Variants in GALNT3 observed in about 807,000 individuals in gnomAD.
GALNT3 encodes the protein GalNAc transferase 3.
In GALNT3, 51 loss-of-function variants were observed where a neutral mutation model predicts 69.8. That is an observed-to-expected ratio of 0.73 (90% CI 0.58 to 0.92). The LOEUF (loss-of-function observed/expected upper bound fraction) is 0.92. GALNT3 is among the 40% of genes least tolerant of loss of function. The pLI is 0.00. For missense variants in GALNT3, 711 were observed against 760.0 expected, an observed-to-expected ratio of 0.94 and a Z score of 0.76; for synonymous variants, 265 against 248.5, an observed-to-expected ratio of 1.07 and a Z score of -0.63.
chr2:165,788,372 T>C (rs1683269972), intron 1 of GALNT3, among the ~76,000 whole-genome samples: 1 of 146,818 alleles, frequency 6.8e-6, no homozygotes, highest in Non-Finnish European at 1.5e-5. Flanking sequence ...CCGATGCCTC[T>C]CCCCTTTCTG....
At chr2:165,775,529 A>C (rs149855028) in intron 1 of GALNT3, among the ~76,000 whole-genome samples, 1 of 152,182 alleles carries the variant, frequency 6.6e-6, no homozygotes, top group Non-Finnish European at 1.5e-5. Context: ...AGATTCCAAC[A>C]TTGATGGGAT....
chr2:165,779,907 G>A (rs1337991731), intron 1 of GALNT3, among the ~76,000 whole-genome samples: 1 of 152,152 alleles, frequency 6.6e-6, no homozygotes, highest in African/African-American at 2.4e-5. Context: ...CACAGATGTT[G>A]GTGATGTCAA....
chr2:165,756,295 CTAGT>C (rs2105404355), intron 7 of GALNT3, among the ~76,000 whole-genome samples: 1 of 152,270 alleles, frequency 6.6e-6, no homozygotes, highest in East Asian at 1.9e-4. Flanking sequence ...CTTAAACTAT[CTAGT>C]TAATTTACCT....
Position 165,752,916 on chromosome 2 carries a change from A to G in GALNT3, c.1626+1711T>C, listed in dbSNP as rs568424634. ...CATATAGATTTATGCACATACACAT[A>G]TATGTACAGATATATATGTATATAG... On this transcript the variant is annotated intron_variant, in intron 9 of 10. Transcript: ENST00000392701. Among the ~76,000 whole-genome samples the G allele has an allele frequency of 5.3e-5, 8 of 152,316 alleles. No homozygotes were observed. In the East Asian group the frequency reaches 1.3e-3, roughly 26 times the overall value.
intron 1 of GALNT3, among the ~76,000 whole-genome samples, chr2:165,775,148 C>G (rs538403125): frequency 6.6e-6 from 1 of 151,986 alleles, no homozygotes; most frequent in Non-Finnish European, 1.5e-5. Flanking sequence ...ATTTTTCTAA[C>G]TCTGTTCAAA....
intron 1 of GALNT3, among the ~76,000 whole-genome samples, chr2:165,774,476 T>C (rs1414663074): frequency 2.6e-5 from 4 of 152,118 alleles, no homozygotes; most frequent in South Asian, 2.1e-4. Flanking sequence ...AAAAGAAGGA[T>C]AGAATTAATG....
At chr2:165,775,494 T>C (rs1333565086) in intron 1 of GALNT3, among the ~76,000 whole-genome samples, 1 of 152,170 alleles carries the variant, frequency 6.6e-6, no homozygotes, top group African/African-American at 2.4e-5. Flanking sequence ...GGATTAATCT[T>C]CTCTTATCAA....
chr2:165,781,272 T>C (rs1683101567), intron 1 of GALNT3, among the ~76,000 whole-genome samples: 1 of 152,136 alleles, frequency 6.6e-6, no homozygotes, highest in African/African-American at 2.4e-5. Flanking sequence ...TGAGGTAGCA[T>C]ATTCAAATGT....
intron 2 of GALNT3, among the ~76,000 whole-genome samples, chr2:165,769,477 G>A (rs1688712110): frequency 6.6e-6 from 1 of 150,678 alleles, no homozygotes; most frequent in Non-Finnish European, 1.5e-5. Context: ...GGGTGGGCCA[G>A]GTGCAATGGC....
chr2:165,759,924 T>A (rs1688514122), intron 4 of GALNT3, among the ~76,000 whole-genome samples: 1 of 152,128 alleles, frequency 6.6e-6, no homozygotes, highest in African/African-American at 2.4e-5. Context: ...TTAATTACAG[T>A]CACCACGTTG....
In GALNT3 at chr2:165,770,502, G is replaced by C. The variant is rs1310325052; in HGVS notation, c.199C>G (p.Leu67Val). Reference protein sequence around the residue: ...KNKNKMLDLMLEAVNNIKDAM... With the variant: ...KNKNKMLDLMVEAVNNIKDAM... Reference sequence around the variant, plus strand: ...TCCTTAATATTGTTTACAGCTTCTAGCATTAAATCCAACATCTTGTTTTTG... The same window carrying C: ...TCCTTAATATTGTTTACAGCTTCTACCATTAAATCCAACATCTTGTTTTTG... The change falls in exon 2 of 11, where the codon CTA becomes GTA. Residue 67 changes from leucine to valine, a missense_variant. By Grantham distance (32) the Leu-to-Val change is conservative. Coordinates refer to ENST00000392701, the MANE Select transcript of GALNT3 (RefSeq NM_004482.4). The C allele has an allele frequency of 6.2e-7, 1 of 1,614,094 alleles. No homozygotes were observed. Among genetic ancestry groups the C allele is most frequent in the East Asian group, 2.2e-5 (1 of 44,880 alleles).
At chr2:165,768,834 G>A (rs931410065) in intron 2 of GALNT3, among the ~76,000 whole-genome samples, 1 of 136,506 alleles carries the variant, frequency 7.3e-6, no homozygotes, top group Non-Finnish European at 1.5e-5. Flanking sequence ...CGTTCTTGTC[G>A]CCCAGGCTGG....
rs75077526 is a variant in GALNT3, at chr2:165,768,630, T to C, written c.515+1556A>G. Among the ~76,000 whole-genome samples, 192 of 152,300 alleles carry C rather than the reference T, an allele frequency of 1.3e-3. No individual in the cohort carries two copies. The East Asian group carries it at 0.025, about 19-fold the overall frequency. ...CAGTTTCAATGTTAAGGGACTCATA[T>C]ACTTGGATCCAGTATTGATAATCCT... is the stretch of plus-strand genomic sequence containing the variant. On this transcript the variant is annotated intron_variant, in intron 2 of 10. Transcript: ENST00000392701.
At chr2:165,750,036 A>C (rs1387988756) in intron 9 of GALNT3, 142 bp from the exon 10 acceptor site, 1 of 808,958 alleles carries the variant, frequency 1.2e-6, no homozygotes, top group East Asian at 2.7e-5. Context: ...TATTAGAAAC[A>C]TAAGCTGAGT....
chr2:165,762,822 G>T (rs1688575748), intron 3 of GALNT3, among the ~76,000 whole-genome samples: 1 of 152,132 alleles, frequency 6.6e-6, no homozygotes, highest in Admixed American at 6.5e-5. Flanking sequence ...TTGAGACAAG[G>T]TCTTGCTCTG....
chr2:165,760,411 C>G (rs894228328), intron 4 of GALNT3, among the ~76,000 whole-genome samples: 1 of 152,178 alleles, frequency 6.6e-6, no homozygotes, highest in Admixed American at 6.5e-5. Context: ...ATGTAACACA[C>G]AGCAAGTTCA....
intron 1 of GALNT3, among the ~76,000 whole-genome samples, chr2:165,778,699 T>C (rs1372103833): frequency 6.6e-6 from 1 of 152,160 alleles, no homozygotes; most frequent in Non-Finnish European, 1.5e-5. Flanking sequence ...TTACCAGAAA[T>C]CTGCCCCTGA....
At chr2:165,755,702 A>G (rs1424415674) in intron 7 of GALNT3, among the ~76,000 whole-genome samples, 1 of 152,224 alleles carries the variant, frequency 6.6e-6, no homozygotes, top group African/African-American at 2.4e-5. Context: ...TTAAACTTCA[A>G]GGTATTTGAC....
chr2:165,758,559 G>A (rs1000616802), intron 6 of GALNT3, 188 bp downstream of exon 6: 9 of 486,236 alleles, frequency 1.9e-5, no homozygotes, highest in East Asian at 3.5e-5. Context: ...TTACACTGGC[G>A]ACAATGAATA....
Sources: allele counts gnomAD v4.1 joint callset (sites outside exome capture counted in the v4.1 genomes callset), GRCh38; gene constraint gnomAD v4.1.1; transcripts MANE v1.5; gene names NCBI Gene and HGNC (gene_info 2026-07-23, HGNC 2026-07-21).